The following POU6F2 variants were observed in gnomAD, a reference collection of about 807,000 sequenced individuals.
The protein encoded by POU6F2 is POU domain, class 6, transcription factor 2.
A neutral mutation model predicts 71.3 loss-of-function variants in POU6F2; 31 were observed. That is an observed-to-expected ratio of 0.43 (90% CI 0.33 to 0.59). The LOEUF is 0.59. Among genes scored for constraint, POU6F2 ranks in the 20% least tolerant of loss-of-function variants. The probability of loss-of-function intolerance (pLI) is 0.04; values close to 1 mark genes in which losing one functional copy is unlikely to be tolerated. For missense variants in POU6F2, 783 were observed against 856.8 expected (o/e 0.91, Z 1.07); for synonymous variants, 347 against 355.7 (o/e 0.98, Z 0.27).
chr7:39,294,851 CCT>C (rs1387132479), intron 4 of POU6F2, among the ~76,000 whole-genome samples: 1 of 152,126 alleles, frequency 6.6e-6, no homozygotes, highest in Non-Finnish European at 1.5e-5. Context: ...CCAGGGAAGA[CCT>C]CTTATGGGAT....
At chr7:39,241,840 A>T (rs1215888359) in intron 4 of POU6F2, among the ~76,000 whole-genome samples, 1 of 152,130 alleles carries the variant, frequency 6.6e-6, no homozygotes, top group Non-Finnish European at 1.5e-5. Flanking sequence ...TGTAACTGTG[A>T]TACAAGATAG....
intron 1 of POU6F2, among the ~76,000 whole-genome samples, chr7:39,050,691 A>G (rs1379444697): frequency 6.6e-6 from 1 of 152,122 alleles, no homozygotes; most frequent in African/African-American, 2.4e-5. Context: ...TTGTCCAACT[A>G]CTGCTCCAAA....
intron 7 of POU6F2, among the ~76,000 whole-genome samples, chr7:39,437,976 A>G (rs1788289013): frequency 6.6e-6 from 1 of 151,762 alleles, no homozygotes; most frequent in Non-Finnish European, 1.5e-5. Flanking sequence ...TTTAAGTTCT[A>G]GGGTACATGT....
At chr7:39,086,441 T>G (rs1791247624) in intron 2 of POU6F2, among the ~76,000 whole-genome samples, 1 of 152,124 alleles carries the variant, frequency 6.6e-6, no homozygotes, top group Admixed American at 6.5e-5. Context: ...TTATCTATCG[T>G]CTAAAGATGG....
chr7:39,418,915 ATATATG>A (rs1405842407), intron 6 of POU6F2, among the ~76,000 whole-genome samples: 2 of 145,972 alleles, frequency 1.4e-5, no homozygotes, highest in African/African-American at 5.1e-5. Context: ...GTGTGTATAT[ATATATG>A]TATATATGTA....
intron 1 of POU6F2, among the ~76,000 whole-genome samples, chr7:38,994,994 A>T (rs923004917): frequency 1.3e-5 from 2 of 152,178 alleles, no homozygotes; most frequent in South Asian, 2.1e-4. Flanking sequence ...CTTTTCAAAC[A>T]TTTCCCCAGA....
intron 4 of POU6F2, among the ~76,000 whole-genome samples, chr7:39,291,028 A>AAAAAAAGC (rs1554338917): frequency 6.6e-6 from 1 of 152,060 alleles, no homozygotes; most frequent in Admixed American, 6.6e-5. Flanking sequence ...AAAAAAAAAA[A>AAAAAAAGC]AAAAAAAGCA....
At chr7:39,103,539 G>GTTCCCCTAGAAAATGTCCACTGGT in intron 2 of POU6F2, among the ~76,000 whole-genome samples, 1 of 152,340 alleles carries the variant, frequency 6.6e-6, no homozygotes, top group South Asian at 2.1e-4. Flanking sequence ...TCTAGCTGGT[G>GTTCCCCTAGAAAATGTCCACTGGT]TTCCCCTAGA....
chr7:39,194,219 A>G (rs1390382728), intron 2 of POU6F2, among the ~76,000 whole-genome samples: 1 of 152,268 alleles, frequency 6.6e-6, no homozygotes, highest in Non-Finnish European at 1.5e-5. Context: ...TCCATCTACG[A>G]TGAAACAGTC....
intron 2 of POU6F2, among the ~76,000 whole-genome samples, chr7:39,180,632 T>C (rs575853472): frequency 6.0e-4 from 91 of 152,298 alleles, no homozygotes; most frequent in African/African-American, 2.1e-3. Flanking sequence ...CATGGCTGGC[T>C]TCATGGCTGT....
intron 2 of POU6F2, among the ~76,000 whole-genome samples, chr7:39,116,507 C>A (rs1199143591): frequency 6.6e-6 from 1 of 152,030 alleles, no homozygotes; most frequent in African/African-American, 2.4e-5. Context: ...TCATTTAATC[C>A]CTTTGAAATA....
At chr7:39,205,440 G>A (rs115894849) in intron 3 of POU6F2, among the ~76,000 whole-genome samples, 1,616 of 152,068 alleles carry the variant, frequency 0.011, 32 homozygotes, top group African/African-American at 0.036. Context: ...GTGGCCCTCC[G>A]ACAAACTGGA....
chr7:39,038,237 C>T lies in POU6F2; in HGVS notation c.106-47623C>T, dbSNP rs112952943. ...GGATACAAGATCACATTTTTTTTGACGTACCCTTTTCTTTGGTATACTATA... is the reference window on the plus strand; with the variant it reads ...GGATACAAGATCACATTTTTTTTGATGTACCCTTTTCTTTGGTATACTATA... On this transcript the variant is annotated intron_variant, in intron 1 of 9. Transcript: ENST00000518318. Among the ~76,000 whole-genome samples, 1,027 of 151,836 alleles carry T rather than the reference C, an allele frequency of 6.8e-3. 11 individuals carry two copies. Among genetic ancestry groups the T allele is most frequent in the African/African-American group, 0.024 (993 of 41,434 alleles).
intron 2 of POU6F2, among the ~76,000 whole-genome samples, chr7:39,194,283 G>A (rs1484671684): frequency 6.6e-6 from 1 of 152,204 alleles, no homozygotes; most frequent in Non-Finnish European, 1.5e-5. Flanking sequence ...TTTTTCATTA[G>A]GCTGAAATTC....
At chr7:39,132,042 C>G (rs1186187028) in intron 2 of POU6F2, among the ~76,000 whole-genome samples, 1 of 152,066 alleles carries the variant, frequency 6.6e-6, no homozygotes, top group Non-Finnish European at 1.5e-5. Context: ...TTAAAATGTA[C>G]AATTAAATTA....
intron 4 of POU6F2, among the ~76,000 whole-genome samples, chr7:39,221,136 T>C (rs1794346673): frequency 6.6e-6 from 1 of 152,160 alleles, no homozygotes; most frequent in South Asian, 2.1e-4. Flanking sequence ...ATGTTTCTCT[T>C]GGGCAACACA....
intron 4 of POU6F2, among the ~76,000 whole-genome samples, chr7:39,244,044 A>G (rs752092267): frequency 2.0e-5 from 3 of 152,200 alleles, no homozygotes; most frequent in Non-Finnish European, 4.4e-5. Flanking sequence ...GGTAATGTCC[A>G]TTATAAGATT....
chr7:39,165,472 A>C (rs924581624), intron 2 of POU6F2, among the ~76,000 whole-genome samples: 2 of 152,246 alleles, frequency 1.3e-5, no homozygotes, highest in Admixed American at 1.3e-4. Context: ...TTGTTTCAAA[A>C]GTCGTCAAAT....
At chr7:39,022,280 T>C (rs1249327446) in intron 1 of POU6F2, among the ~76,000 whole-genome samples, 1 of 152,116 alleles carries the variant, frequency 6.6e-6, no homozygotes. Context: ...TAAAATGCCT[T>C]CTCAAAATTC....
Sources: gnomAD v4.1 joint callset for allele counts (sites outside exome capture counted in the v4.1 genomes callset) on GRCh38, gnomAD v4.1.1 for gene constraint, MANE v1.5 for transcripts, NCBI Gene and HGNC (gene_info 2026-07-23, HGNC 2026-07-21) for gene names.